The following MAP4K4 variants were observed in gnomAD, a reference collection of about 807,000 sequenced individuals.
The protein encoded by MAP4K4 is mitogen-activated protein kinase kinase kinase kinase 4, also known as HPK/GCK-like kinase HGK.
In MAP4K4, 38 loss-of-function variants were observed where a neutral mutation model predicts 189.6. The observed-to-expected ratio is 0.20, with a 90% CI of 0.15 to 0.26. The LOEUF is 0.26. Ranked by LOEUF, MAP4K4 falls within the 10% of genes least tolerant of loss-of-function variation. The pLI is 1.00. For synonymous variants in MAP4K4, 610 were observed against 624.3 expected, an observed-to-expected ratio of 0.98 and a Z score of 0.34; for missense variants, 1,054 against 1,726.9, an observed-to-expected ratio of 0.61 and a Z score of 6.91.
chr2:101,759,428 T>G (rs2074630287), intron 2 of MAP4K4, among the ~76,000 whole-genome samples: 2 of 150,800 alleles, frequency 1.3e-5, no homozygotes. Flanking sequence ...AAATGAGCTT[T>G]TTCTTTCCCT....
At chr2:101,860,706 C>G in intron 15 of MAP4K4, 119 bp from the exon 16 acceptor site, 1 of 806,980 alleles carries the variant, frequency 1.2e-6, no homozygotes, top group South Asian at 2.0e-5. Context: ...CCTCTCTTTT[C>G]TGGTAGCAGA....
chr2:101,702,629 C>A (rs534747488), intron 2 of MAP4K4, among the ~76,000 whole-genome samples: 5 of 152,230 alleles, frequency 3.3e-5, no homozygotes, highest in Admixed American at 3.3e-4. Context: ...CTTGGAAGGA[C>A]TGACAGAGGG....
At chr2:101,853,999 T>C (rs1488731746) in intron 12 of MAP4K4, among the ~76,000 whole-genome samples, 2 of 152,174 alleles carry the variant, frequency 1.3e-5, no homozygotes, top group Non-Finnish European at 2.9e-5. Context: ...AGAGATTTTT[T>C]TGTTTGATTT....
chr2:101,823,737 A>G (rs974610215), intron 3 of MAP4K4, among the ~76,000 whole-genome samples, 191 bp from the exon 4 acceptor site: 5 of 152,094 alleles, frequency 3.3e-5, no homozygotes, highest in Middle Eastern at 3.2e-3. Flanking sequence ...ATCACGTCCT[A>G]TAATCACACT....
At chr2:101,699,373 C>T (rs1235891860) in intron 2 of MAP4K4, among the ~76,000 whole-genome samples, 7 of 152,230 alleles carry the variant, frequency 4.6e-5, no homozygotes, top group African/African-American at 1.7e-4. Context: ...ATACATTGTA[C>T]AGTCTAGAGA....
intron 2 of MAP4K4, among the ~76,000 whole-genome samples, chr2:101,782,692 G>A (rs2088303316): frequency 6.6e-6 from 1 of 152,162 alleles, no homozygotes; most frequent in Admixed American, 6.5e-5. Flanking sequence ...ACTCCAGTCT[G>A]AAGGGATGAT....
exon 33 of MAP4K4, chr2:101,891,496 A>G (rs2098566996): frequency 5.0e-6 from 2 of 397,900 alleles, no homozygotes; most frequent in South Asian, 6.6e-5. Flanking sequence ...TTCAGATTCT[A>G]CCATCAGGTG....
rs542419340 is a variant in MAP4K4, at chr2:101,809,877, G to T, written c.181-14051G>T. Among the ~76,000 whole-genome samples the T allele has an allele frequency of 2.0e-5, 3 of 152,354 alleles. No homozygotes were observed. The East Asian group carries it at 5.8e-4, about 29-fold the overall frequency. On this transcript the variant is annotated intron_variant, in intron 3 of 32. Coordinates refer to ENST00000324219, the Ensembl canonical transcript of MAP4K4. ...CAAAAACATCTGGTCTAAAGATGTA[G>T]TTCTCTCTCCTGCAACTGTATGTAA...
At chr2:101,715,273 A>G (rs2047790248) in intron 2 of MAP4K4, among the ~76,000 whole-genome samples, 2 of 152,206 alleles carry the variant, frequency 1.3e-5, no homozygotes, top group Admixed American at 1.3e-4. Flanking sequence ...GGTTCACTCT[A>G]ACAGCCTTAT....
At chr2:101,712,113 A>G (rs2045941159) in intron 2 of MAP4K4, among the ~76,000 whole-genome samples, 1 of 151,692 alleles carries the variant, frequency 6.6e-6, no homozygotes, top group Non-Finnish European at 1.5e-5. Context: ...AAATGATATT[A>G]TACCTTACTA....
chr2:101,725,413 A>C (rs900820024), intron 2 of MAP4K4, among the ~76,000 whole-genome samples: 11 of 152,022 alleles, frequency 7.2e-5, no homozygotes, highest in African/African-American at 1.9e-4. Flanking sequence ...AAAACAAAAA[A>C]AAACCAAAAA....
intron 2 of MAP4K4, among the ~76,000 whole-genome samples, chr2:101,727,550 CTG>C (rs2056172461): frequency 1.3e-5 from 2 of 152,142 alleles, no homozygotes; most frequent in Admixed American, 6.5e-5. Flanking sequence ...GCCTGTGAGT[CTG>C]TGTTTTAGAC....
rs537075768 is a variant in MAP4K4, at chr2:101,753,721, A to C, written c.124-36999A>C. ...CTTTCCAGGCTTTAGTCTGGAAGAC[A>C]GTCTGTTTGTCTCAAGGAGTGTTCA... On this transcript the variant is annotated intron_variant, in intron 2 of 32. Transcript: ENST00000324219. Among the ~76,000 whole-genome samples, 5 of 151,350 alleles carry C rather than the reference A, an allele frequency of 3.3e-5. No homozygotes were observed. The South Asian group carries it at 1.0e-3, about 32-fold the overall frequency.
At chr2:101,752,058 G>A (rs1296815301) in intron 2 of MAP4K4, among the ~76,000 whole-genome samples, 1 of 152,164 alleles carries the variant, frequency 6.6e-6, no homozygotes, top group Non-Finnish European at 1.5e-5. Flanking sequence ...GTCCTCTGGG[G>A]CTGGTGGGGG....
chr2:101,779,361 A>G (rs955375759), intron 2 of MAP4K4, among the ~76,000 whole-genome samples: 1 of 151,998 alleles, frequency 6.6e-6, no homozygotes, highest in Non-Finnish European at 1.5e-5. Flanking sequence ...GACTTTATCA[A>G]CTCCACTAGA....
chr2:101,714,822 C>T (rs548469287), intron 2 of MAP4K4, among the ~76,000 whole-genome samples: 117 of 152,198 alleles, frequency 7.7e-4, no homozygotes, highest in African/African-American at 2.7e-3. Flanking sequence ...CAGTCCACTT[C>T]GGGAATCATG....
chr2:101,812,000 G>A (rs1368078482), intron 3 of MAP4K4, among the ~76,000 whole-genome samples: 1 of 152,118 alleles, frequency 6.6e-6, no homozygotes, highest in East Asian at 1.9e-4. Flanking sequence ...CTTTATCTCT[G>A]TAAGTCAATA....
intron 7 of MAP4K4, among the ~76,000 whole-genome samples, chr2:101,833,390 G>A (rs1481403701): frequency 1.3e-5 from 2 of 152,132 alleles, no homozygotes; most frequent in Admixed American, 6.5e-5. Flanking sequence ...GGAGGCCGAG[G>A]CGGGTGGATC....
intron 2 of MAP4K4, among the ~76,000 whole-genome samples, chr2:101,701,466 A>G (rs1340706290): frequency 1.3e-5 from 2 of 152,112 alleles, no homozygotes; most frequent in African/African-American, 4.8e-5. Context: ...GAGGAGAGAC[A>G]TCTTCTTTAA....
Sources: allele counts gnomAD v4.1 joint callset (sites outside exome capture counted in the v4.1 genomes callset), GRCh38; gene constraint gnomAD v4.1.1; transcripts MANE v1.5; gene names NCBI Gene and HGNC (gene_info 2026-07-23, HGNC 2026-07-21).